Variants in USP48 observed in about 807,000 individuals in gnomAD.
USP48 encodes the protein ubiquitin carboxyl-terminal hydrolase 48.
A neutral mutation model predicts 150.7 loss-of-function variants in USP48; 43 were observed. The observed-to-expected ratio is 0.29, with a 90% CI of 0.22 to 0.37. The LOEUF (loss-of-function observed/expected upper bound fraction) is 0.37. USP48 is among the 10% of genes least tolerant of loss of function. The probability of loss-of-function intolerance (pLI) is 1.00; values close to 1 mark genes in which losing one functional copy is unlikely to be tolerated. For missense variants in USP48, 813 were observed against 1,249.6 expected (o/e 0.65, Z 5.27); for synonymous variants, 396 against 425.9 (o/e 0.93, Z 0.86).
At chr1:21,704,004 T>C (rs976094573) in intron 20 of USP48, among the ~76,000 whole-genome samples, 3 of 152,226 alleles carry the variant, frequency 2.0e-5, no homozygotes, top group Non-Finnish European at 4.4e-5. Flanking sequence ...ATTATAGGTA[T>C]GAGCTAGTGT....
chr1:21,745,357 G>A (rs1265465637), intron 8 of USP48, among the ~76,000 whole-genome samples: 4 of 151,864 alleles, frequency 2.6e-5, no homozygotes, highest in African/African-American at 9.7e-5. Flanking sequence ...TGTAATCCCA[G>A]CACTTTCGGG....
intron 1 of USP48, among the ~76,000 whole-genome samples, chr1:21,777,742 T>G (rs374807887): frequency 9.9e-5 from 15 of 152,058 alleles, no homozygotes; most frequent in Non-Finnish European, 2.1e-4. Flanking sequence ...GTACTGAAAA[T>G]GATACCACCA....
intron 8 of USP48, among the ~76,000 whole-genome samples, chr1:21,738,250 G>A (rs2097772959): frequency 6.6e-6 from 1 of 151,782 alleles, no homozygotes; most frequent in African/African-American, 2.4e-5. Context: ...TAGAGACGGG[G>A]TTTCACCATG....
intron 25 of USP48, chr1:21,686,461 A>G (rs2097580463): frequency 6.7e-6 from 1 of 149,272 alleles, no homozygotes; most frequent in South Asian, 2.2e-4. Flanking sequence ...TTTGTCCTTC[A>G]TTCTGCTGAT....
chr1:21,766,763 G>A (rs987183906), intron 1 of USP48, among the ~76,000 whole-genome samples: 1 of 151,580 alleles, frequency 6.6e-6, no homozygotes, highest in Admixed American at 6.6e-5. Flanking sequence ...TCTACCTAAC[G>A]GGCTCAAGAC....
In USP48 at chr1:21,759,181, CAAAAAAAA is replaced by C. The variant is rs11341963; in HGVS notation, c.135-1406_135-1399del. Among the ~76,000 whole-genome samples, 6 of 69,252 alleles carry C rather than the reference CAAAAAAAA, an allele frequency of 8.7e-5. 1 individual carries two copies. The highest frequency in any genetic ancestry group is 1.2e-4 in the African/African-American group (2 of 16,524). The allele number at this position is 69,252 out of a possible 152,430, so 45.4% of individuals were successfully genotyped here. A position where few individuals can be genotyped will look rare whatever the true frequency, so the allele number is the denominator to read the frequency against. ...TGGGCAACAGAGAGAGACACGGTCTCAAAAAAAAAAAAAAAAAAAAAAAAGGAATCAAC... is the reference window on the plus strand; with the variant it reads ...TGGGCAACAGAGAGAGACACGGTCTCAAAAAAAAAAAAAAAAGGAATCAAC... On this transcript the variant is annotated intron_variant, in intron 1 of 26. Coordinates refer to ENST00000308271, the MANE Select transcript of USP48 (RefSeq NM_032236.8).
chr1:21,729,653 G>C, intron 10 of USP48, 51 bp downstream of exon 10: 2 of 1,591,182 alleles, frequency 1.3e-6, no homozygotes, highest in East Asian at 2.2e-5. Context: ...TAATCTTTGA[G>C]TATGGCATTC....
At chr1:21,705,608 A>C in intron 19 of USP48, 119 bp downstream of exon 19, 1 of 701,062 alleles carries the variant, frequency 1.4e-6, no homozygotes, top group African/African-American at 1.9e-5. Flanking sequence ...CCCACAATTC[A>C]GCAAAGGACT....
chr1:21,730,217 G>A (rs2097753387), intron 9 of USP48, among the ~76,000 whole-genome samples: 1 of 152,116 alleles, frequency 6.6e-6, no homozygotes. Context: ...AAGATGGGCA[G>A]ATCACTTGAA....
At position 21,679,467 on chromosome 1, in the gene USP48, T is replaced by C. The variant is rs766518075; in HGVS notation, c.3086-28A>G. On this transcript the variant is annotated intron_variant, in intron 26 of 26. Coordinates refer to ENST00000308271, the MANE Select transcript of USP48 (RefSeq NM_032236.8). The stretch of plus-strand genomic sequence containing the variant: ...GGGAAAAGAAACACACGTGGAGGGA[T>C]AGTTGTGAACTACAGATTAAAAGTT... 13 of 1,613,556 alleles carry C rather than the reference T, an allele frequency of 8.1e-6. No homozygotes were observed. The South Asian group carries it at 9.9e-5, about 12-fold the overall frequency.
chr1:21,744,022 T>C (rs1252373125), intron 8 of USP48, among the ~76,000 whole-genome samples: 1 of 152,202 alleles, frequency 6.6e-6, no homozygotes, highest in Admixed American at 6.5e-5. Context: ...ATATCATTAA[T>C]GAAGACAATA....
intron 15 of USP48, among the ~76,000 whole-genome samples, chr1:21,709,900 T>G (rs1367210495): frequency 6.6e-6 from 1 of 152,214 alleles, no homozygotes; most frequent in Middle Eastern, 3.2e-3. Flanking sequence ...ACTTGTTAGC[T>G]GAGTTTCTAA....
intron 1 of USP48, among the ~76,000 whole-genome samples, chr1:21,774,153 TGG>T (rs2097890463): frequency 6.6e-6 from 1 of 150,782 alleles, no homozygotes; most frequent in African/African-American, 2.4e-5. Context: ...CACTCCAGCC[TGG>T]GTGACAGAGC....
At chr1:21,712,686 G>C (rs2097693444) in intron 15 of USP48, among the ~76,000 whole-genome samples, 1 of 150,694 alleles carries the variant, frequency 6.6e-6, no homozygotes, top group Non-Finnish European at 1.5e-5. Context: ...TAGAATGCAG[G>C]GGTGCCATCT....
At chr1:21,741,513 C>T (rs1438593153) in intron 8 of USP48, among the ~76,000 whole-genome samples, 1 of 152,044 alleles carries the variant, frequency 6.6e-6, no homozygotes, top group Non-Finnish European at 1.5e-5. Context: ...ACCCACAGAC[C>T]CTTACTAAAA....
At chr1:21,759,200 A>G in intron 1 of USP48, among the ~76,000 whole-genome samples, 1 of 151,418 alleles carries the variant, frequency 6.6e-6, no homozygotes, top group Non-Finnish European at 1.5e-5. Flanking sequence ...AAAAAAAAAA[A>G]AAAAAGGAAT....
chr1:21,771,440 T>G (rs2152641450), intron 1 of USP48, among the ~76,000 whole-genome samples: 2 of 148,366 alleles, frequency 1.3e-5, no homozygotes, highest in African/African-American at 4.9e-5. Flanking sequence ...AATTTTATAA[T>G]TATAAATTAT....
At position 21,724,582 on chromosome 1, in the gene USP48, G is replaced by A. The variant is rs149281328; in HGVS notation, c.1451-487C>T. On this transcript the variant is annotated intron_variant, in intron 11 of 26. Transcript: ENST00000308271. ...AAGCCAAACTGAAATAAACCTCACCGACTATGACCACACTTCAGAAGACGC... is the reference window on the plus strand; with the variant it reads ...AAGCCAAACTGAAATAAACCTCACCAACTATGACCACACTTCAGAAGACGC... 331 of 166,294 alleles carry A rather than the reference G, an allele frequency of 2.0e-3. 2 individuals carry two copies. The highest frequency in any genetic ancestry group is 6.9e-3 in the African/African-American group (288 of 41,954). The allele number at this position is 166,294 out of a possible 1,614,324, so 10.3% of individuals were successfully genotyped here. A position where few individuals can be genotyped will look rare whatever the true frequency, so the allele number is the denominator to read the frequency against.
chr1:21,685,476 G>C (rs1304958397), intron 25 of USP48, among the ~76,000 whole-genome samples: 5 of 151,802 alleles, frequency 3.3e-5, no homozygotes, highest in Admixed American at 3.3e-4. Flanking sequence ...TACTACGCCT[G>C]GTTAATTTTT....
Sources: gnomAD v4.1 joint callset for allele counts (sites outside exome capture counted in the v4.1 genomes callset) on GRCh38, gnomAD v4.1.1 for gene constraint, MANE v1.5 for transcripts, NCBI Gene and HGNC (gene_info 2026-07-23, HGNC 2026-07-21) for gene names.